The following GORASP2 variants were observed in gnomAD, a reference collection of about 807,000 sequenced individuals.
GORASP2 encodes the protein Golgi reassembly-stacking protein 2.
In GORASP2, 22 loss-of-function variants were observed where a neutral mutation model predicts 45.7. The ratio of observed to expected loss-of-function variants is 0.48; its 90% CI spans 0.34 to 0.69. GORASP2 has a LOEUF of 0.69. Ranked by LOEUF, GORASP2 falls within the 30% of genes least tolerant of loss-of-function variation. The probability of loss-of-function intolerance (pLI) is 0.01; values close to 1 mark genes in which losing one functional copy is unlikely to be tolerated. For missense variants in GORASP2, 491 were observed against 562.7 expected, an observed-to-expected ratio of 0.87 and a Z score of 1.29; for synonymous variants, 221 against 215.6, an observed-to-expected ratio of 1.02 and a Z score of -0.22.
rs1284287973 is a variant in GORASP2 at position 170,929,558 on chromosome 2, G to C, written c.63+155G>C. ...CGCTGCCTTGGTCGAGGCTGGTTCCGGAGGCCGCTCGCATCCCACCTCCGC... is the reference window on the plus strand; with the variant it reads ...CGCTGCCTTGGTCGAGGCTGGTTCCCGAGGCCGCTCGCATCCCACCTCCGC... On this transcript the variant is annotated intron_variant, in intron 1 of 9. Coordinates refer to ENST00000234160, the MANE Select transcript of GORASP2 (RefSeq NM_015530.5). 1.2e-5 allele frequency: 8 copies of C among 640,016 alleles called. No individual in the cohort carries two copies. In the East Asian group the frequency reaches 2.8e-4, roughly 22 times the overall value. 39.6% of individuals were successfully genotyped at this position (640,016 alleles called of 1,614,324 possible).
At chr2:170,954,286 A>T (rs1188240442) in intron 5 of GORASP2, 1 of 174,352 alleles carries the variant, frequency 5.7e-6, no homozygotes, top group Admixed American at 6.0e-5. Context: ...TGAAGGCAGT[A>T]AACAGACAAG....
In GORASP2 at chr2:170,962,855, A is replaced by G. The variant is rs754545891; in HGVS notation, c.927A>G (p.Pro309=). 1 of 1,613,232 alleles carries G rather than the reference A, an allele frequency of 6.2e-7. No homozygotes were observed. Among genetic ancestry groups the G allele is most frequent in the Non-Finnish European group, 8.5e-7 (1 of 1,179,438 alleles). The change falls in exon 9 of 10, where the codon CCA becomes CCG. Residue 309 remains proline (P), a synonymous_variant. Transcript: ENST00000234160. ...ATTLPGLMPL[P]AGLPNLPNLN... is the part of the protein sequence containing the mutation. ...TCTCTTCAGGTCTGATGCCTTTACC[A>G]GCAGGACTGCCCAACCTCCCCAACC...
chr2:170,961,756 AC>A lies in GORASP2; in HGVS notation c.910+9del. The A allele has an allele frequency of 1.4e-6, 2 of 1,410,656 alleles. No individual in the cohort carries two copies. Among genetic ancestry groups the A allele is most frequent in the Non-Finnish European group, 2.0e-6 (2 of 993,944 alleles). 87.4% of individuals were successfully genotyped at this position (1,410,656 alleles called of 1,614,324 possible). A position where few individuals can be genotyped will look rare whatever the true frequency, so the allele number is the denominator to read the frequency against. On this transcript the variant is annotated splice_region_variant and intron_variant, in intron 8 of 9. Coordinates refer to ENST00000234160, the MANE Select transcript of GORASP2 (RefSeq NM_015530.5). Reference sequence around the variant, plus strand: ...CCAGCTACTACATTACCAGGTAACCACCAGGGGACTAGAGATGTGGCTGATA... The same window carrying A: ...CCAGCTACTACATTACCAGGTAACCACAGGGGACTAGAGATGTGGCTGATA...
chr2:170,954,647 T>C lies in GORASP2; in HGVS notation c.567-3T>C, dbSNP rs114035263. 1.2e-6 allele frequency: 2 copies of C among 1,600,624 alleles called. No individual in the cohort carries two copies. Among genetic ancestry groups the C allele is most frequent in the Admixed American group, 1.7e-5 (1 of 57,266 alleles). On this transcript the variant is annotated splice_polypyrimidine_tract_variant and splice_region_variant and intron_variant, in intron 5 of 9. Coordinates refer to ENST00000234160, the MANE Select transcript of GORASP2 (RefSeq NM_015530.5). ...CAACGTTAAGAAAAAAATGTTTTTA[T>C]AGCCTAGGATGTGGCATTGGATATG...
intron 1 of GORASP2, among the ~76,000 whole-genome samples, chr2:170,945,435 G>A (rs1488166588): frequency 2.0e-5 from 3 of 150,472 alleles, no homozygotes; most frequent in African/African-American, 7.3e-5. Flanking sequence ...TGCTTGGGAG[G>A]CCAGGAGTAA....
chr2:170,949,832 G>A, intron 3 of GORASP2, 90 bp downstream of exon 3: 2 of 1,141,432 alleles, frequency 1.8e-6, no homozygotes, highest in East Asian at 4.7e-5. Context: ...TAATAAGATT[G>A]TAAGGATATT....
At chr2:170,962,748 G>A (rs1268353535) in intron 8 of GORASP2, 91 bp from the exon 9 acceptor site, 1 of 806,934 alleles carries the variant, frequency 1.2e-6, no homozygotes, top group East Asian at 2.6e-5. Context: ...CTGTCACTTA[G>A]AAGTGGCTGG....
At chr2:170,956,690 T>A in intron 7 of GORASP2, 131 bp downstream of exon 7, 1 of 705,176 alleles carries the variant, frequency 1.4e-6, no homozygotes, top group Non-Finnish European at 2.2e-6. Flanking sequence ...GCAGGATTGC[T>A]TGAGCTCAGG....
At chr2:170,965,728 G>A in intron 9 of GORASP2, 62 bp from the exon 10 acceptor site, 1 of 1,139,866 alleles carries the variant, frequency 8.8e-7, no homozygotes, top group East Asian at 2.4e-5. Flanking sequence ...ATAGCCCTTT[G>A]ACAATGCCTG....
intron 5 of GORASP2, chr2:170,951,664 T>G: frequency 3.0e-6 from 1 of 330,970 alleles, no homozygotes; most frequent in Non-Finnish European, 5.5e-6. Context: ...TATAGTCCTT[T>G]TCTTTACTAA....
At position 170,962,900 on chromosome 2, in the gene GORASP2, A is replaced by G. The variant is rs562951993; in HGVS notation, c.972A>G (p.Ala324=). 1.7e-5 allele frequency: 27 copies of G among 1,613,984 alleles called. 1 individual carries two copies. The Middle Eastern group carries it at 5.0e-4, about 30-fold the overall frequency. ...CCAACCTCAACCTCAACCTCCCAGC[A>G]CCACACATCATGCCAGGGGTTGGCT... is the stretch of plus-strand genomic sequence containing the variant. ...NLPNLNLNLP[A]PHIMPGVGLP... Residue 324 remains alanine, a synonymous_variant, in exon 9 of 10, where the codon GCA becomes GCG. Coordinates refer to ENST00000234160, the MANE Select transcript of GORASP2 (RefSeq NM_015530.5).
intron 1 of GORASP2, among the ~76,000 whole-genome samples, chr2:170,933,241 C>T (rs1261631889): frequency 6.6e-6 from 1 of 152,108 alleles, no homozygotes; most frequent in Non-Finnish European, 1.5e-5. Flanking sequence ...GATTTGTGCT[C>T]ACTATGAATG....
chr2:170,958,411 T>G (rs1228374927), intron 7 of GORASP2, among the ~76,000 whole-genome samples: 1 of 152,170 alleles, frequency 6.6e-6, no homozygotes, highest in Non-Finnish European at 1.5e-5. Flanking sequence ...TAGATGAAAT[T>G]AAGTATTAAT....
At chr2:170,939,308 T>C (rs1704022433) in intron 1 of GORASP2, among the ~76,000 whole-genome samples, 1 of 152,246 alleles carries the variant, frequency 6.6e-6, no homozygotes, top group Non-Finnish European at 1.5e-5. Context: ...ACATGTACTT[T>C]GCTTTGTTTT....
At chr2:170,934,605 A>G (rs1419171292) in intron 1 of GORASP2, among the ~76,000 whole-genome samples, 1 of 152,060 alleles carries the variant, frequency 6.6e-6, no homozygotes, top group African/African-American at 2.4e-5. Context: ...CTTCTCACTC[A>G]TTCTGGAAAC....
chr2:170,954,740 G>C lies in GORASP2; in HGVS notation c.657G>C (p.Met219Ile). The C allele has an allele frequency of 6.2e-7, 1 of 1,613,612 alleles. No individual in the cohort carries two copies. Among genetic ancestry groups the C allele is most frequent in the South Asian group, 1.1e-5 (1 of 91,058 alleles). ...AGAAAATTTCTCTTCCAGGACAAAT[G>C]GCTGGTACACCTATTACACCTCTTA... ...EGKKISLPGQ[M>I]AGTPITPLKD... Residue 219 changes from methionine to isoleucine, a missense_variant, in exon 6 of 10, where the codon ATG (methionine) becomes ATC (isoleucine). This residue lies in a region of GORASP2 where 297 missense variants were observed against 292.3 expected (regional missense o/e 1.02). Coordinates refer to ENST00000234160, the MANE Select transcript of GORASP2 (RefSeq NM_015530.5).
intron 7 of GORASP2, among the ~76,000 whole-genome samples, chr2:170,957,173 G>A (rs1704445795): frequency 6.6e-6 from 1 of 152,168 alleles, no homozygotes; most frequent in Admixed American, 6.5e-5. Flanking sequence ...TACTCAACAC[G>A]TTTGCGTGTT....
chr2:170,962,990 G>C, intron 9 of GORASP2, 44 bp downstream of exon 9: 1 of 1,314,176 alleles, frequency 7.6e-7, no homozygotes, highest in Non-Finnish European at 1.1e-6. Context: ...TCTAATAAAA[G>C]TTTTATTCAG....
rs755531354 is a variant in GORASP2, at chr2:170,950,276, A to G, written c.421A>G (p.Thr141Ala). ...PHSDYIIGAD[T>A]VMNESEDLFS... ...CAGTGATTATATAATTGGAGCAGAT[A>G]CAGTCATGAATGAGGTAATTCGTGT... Residue 141 changes from threonine to alanine, a missense_variant, in exon 4 of 10, where the codon ACA becomes GCA. Transcript: ENST00000234160. 1.0e-5 allele frequency: 16 copies of G among 1,541,782 alleles called. No homozygotes were observed. Among genetic ancestry groups the G allele is most frequent in the African/African-American group, 2.8e-5 (2 of 72,342 alleles).
Sources: allele counts gnomAD v4.1 joint callset (sites outside exome capture counted in the v4.1 genomes callset), GRCh38; gene constraint gnomAD v4.1.1; regional missense constraint gnomAD v4.1.1; transcripts MANE v1.5; gene names NCBI Gene and HGNC (gene_info 2026-07-23, HGNC 2026-07-21).